Variants in TBX10 observed in about 807,000 individuals in gnomAD.
TBX10 encodes T-box transcription factor TBX10.
Under a neutral mutation model 32.4 loss-of-function variants are expected in TBX10, and 26 were observed. That is an observed-to-expected ratio of 0.80 (90% CI 0.59 to 1.11). TBX10 has a LOEUF of 1.11. TBX10 is among the 50% of genes most tolerant of loss of function. TBX10 has a pLI of 0.00. For synonymous variants in TBX10, 195 were observed against 203.1 expected (o/e 0.96, Z 0.34); for missense variants, 490 against 494.5 (o/e 0.99, Z 0.09).
chr11:67,638,205 C>T (rs1450448183), intron 1 of TBX10, among the ~76,000 whole-genome samples: 1 of 133,806 alleles, frequency 7.5e-6, no homozygotes, highest in African/African-American at 3.1e-5. Flanking sequence ...GAGACTCTGT[C>T]TCAAAAAATA....
chr11:67,641,641 G>A (rs1010637899), upstream of TBX10, among the ~76,000 whole-genome samples: 1 of 152,172 alleles, frequency 6.6e-6, no homozygotes, highest in Non-Finnish European at 1.5e-5. Flanking sequence ...GGGGTGTAGA[G>A]GGCTGGGGGA....
At position 67,639,704 on chromosome 11, in the gene TBX10, G is replaced by C; in HGVS notation, c.-232C>G. On this transcript the variant is annotated 5_prime_UTR_variant, in exon 1 of 8. Coordinates refer to ENST00000335385, the MANE Select transcript of TBX10 (RefSeq NM_005995.5). Reference sequence around the variant, plus strand: ...CGAGCTGGACCCCTGGTCTCCGAAGGTGAGATGCAGGCTCTGGGGCGTGCA... The same window carrying C: ...CGAGCTGGACCCCTGGTCTCCGAAGCTGAGATGCAGGCTCTGGGGCGTGCA... The C allele has an allele frequency of 3.1e-6, 2 of 640,844 alleles. No homozygotes were observed. The highest frequency in any genetic ancestry group is 2.8e-6 in the Non-Finnish European group (1 of 355,012). The allele number at this position is 640,844 out of a possible 1,614,324, so 39.7% of individuals were successfully genotyped here. A position where few individuals can be genotyped will look rare whatever the true frequency, so the allele number is the denominator to read the frequency against.
Position 67,631,673 on chromosome 11 carries a change from G to A in TBX10, c.1090C>T (p.Leu364Phe). 6.2e-7 allele frequency: 1 copy of A among 1,607,472 alleles called. No homozygotes were observed. ...RADRDQGGLP[L>F]PAGLGLLSPT... ...GACAGGAGCCCCAGCCCAGCTGGGA[G>A]AGGCAGGCCTCCTTGATCCCTATCA... The change falls in exon 8 of 8, where the codon CTC becomes TTC. Residue 364 changes from leucine (L) to phenylalanine (F), a missense_variant. Leu to Phe is a conservative substitution (Grantham distance 22). Around this residue, in one of 3 missense-constraint regions of TBX10, gnomAD observed 177 missense variants for 176.6 expected, o/e 1.00. Transcript: ENST00000335385.
intron 1 of TBX10, among the ~76,000 whole-genome samples, chr11:67,636,136 C>T (rs1235807792): frequency 1.5e-5 from 2 of 137,620 alleles, no homozygotes; most frequent in Non-Finnish European, 3.0e-5. Context: ...TGGAGTGCAG[C>T]GGGAGCTCTG....
Position 67,634,683 on chromosome 11 carries a change from C to T in TBX10, c.377+133G>A, listed in dbSNP as rs534303720. On this transcript the variant is annotated intron_variant, in intron 3 of 7. Coordinates refer to ENST00000335385, the MANE Select transcript of TBX10 (RefSeq NM_005995.5). ...CCTCAGGCTGTTGTTGCGTGTCTGT[C>T]GTCCTGCCCTTAGGCTGGACCTCCC... 5.2e-4 allele frequency: 527 copies of T among 1,011,592 alleles called. 1 individual carries two copies. The African/African-American group carries it at 7.1e-3, about 14-fold the overall frequency. 62.7% of individuals were successfully genotyped at this position (1,011,592 alleles called of 1,614,324 possible). A position where few individuals can be genotyped will look rare whatever the true frequency, so the allele number is the denominator to read the frequency against.
Position 67,631,382 on chromosome 11 carries a change from A to G in TBX10, c.*223T>C. 1.6e-6 allele frequency: 1 copy of G among 608,146 alleles called. No individual in the cohort carries two copies. 37.7% of individuals were successfully genotyped at this position (608,146 alleles called of 1,614,324 possible). ...GGAGTTACCCCCAAAGCAAGAGGGC[A>G]CAGTATTCAGGCTGCTGGGGTTGGG... On this transcript the variant is annotated 3_prime_UTR_variant, in exon 8 of 8. Transcript: ENST00000335385.
chr11:67,631,936 C>T (rs369016268), intron 7 of TBX10, 42 bp from the exon 8 acceptor site: 7 of 1,551,838 alleles, frequency 4.5e-6, no homozygotes, highest in Non-Finnish European at 6.1e-6. Flanking sequence ...CCCATCGCAT[C>T]CTCATCCCTC....
At chr11:67,635,770 A>T (rs1171183745) in intron 1 of TBX10, among the ~76,000 whole-genome samples, 2 of 152,132 alleles carry the variant, frequency 1.3e-5, no homozygotes, top group African/African-American at 4.8e-5. Flanking sequence ...TGAGCCAAGA[A>T]GAGCCCCCCA....
chr11:67,632,561 C>CTGGGCCTCAG, intron 6 of TBX10, 42 bp downstream of exon 6: 1 of 1,608,720 alleles, frequency 6.2e-7, no homozygotes, highest in Non-Finnish European at 8.5e-7. Context: ...TAGGATATGC[C>CTGGGCCTCAG]TGGGGTGGGG....
At chr11:67,635,400 C>G in intron 1 of TBX10, 137 bp from the exon 2 acceptor site, 6 of 1,256,166 alleles carry the variant, frequency 4.8e-6, no homozygotes, top group Non-Finnish European at 6.7e-6. Context: ...ATCCCCCACT[C>G]AGCATCACTC....
chr11:67,639,488 G>C lies in TBX10; in HGVS notation c.-16C>G. On this transcript the variant is annotated 5_prime_UTR_variant, in exon 1 of 8. Transcript: ENST00000335385. ...TACCTGCCATGGAGACAGAGAGGCT[G>C]TCCGGCTCCTGGAGAAACACTGCTT... 6.2e-7 allele frequency: 1 copy of C among 1,612,550 alleles called. No individual in the cohort carries two copies. The highest frequency in any genetic ancestry group is 8.5e-7 in the Non-Finnish European group (1 of 1,179,818).
chr11:67,639,003 C>T lies in TBX10; in HGVS notation c.7+463G>A, dbSNP rs184942119. 1.7e-3 allele frequency among the ~76,000 whole-genome samples: 260 copies of T among 152,298 alleles called. 1 individual carries two copies. Among genetic ancestry groups the T allele is most frequent in the Non-Finnish European group, 2.8e-3 (190 of 68,000 alleles). On this transcript the variant is annotated intron_variant, in intron 1 of 7. Transcript: ENST00000335385. ...GTCCTCTAGGGGCTCACCCGCTGCC[C>T]GTCGCAGCCAATGTGCTGCCCCTCA...
intron 3 of TBX10, 59 bp from the exon 4 acceptor site, chr11:67,634,419 C>T (rs1260214584): frequency 1.3e-6 from 2 of 1,586,922 alleles, no homozygotes; most frequent in Admixed American, 1.7e-5. Context: ...CTGAACAATA[C>T]AGGCGGGGTG....
chr11:67,631,818 G>A lies in TBX10; in HGVS notation c.945C>T (p.Val315=), dbSNP rs750374429. Residue 315 remains valine (V), a synonymous_variant, in exon 8 of 8, where the codon GTC becomes GTT. Coordinates refer to ENST00000335385, the MANE Select transcript of TBX10 (RefSeq NM_005995.5). Reference sequence around the variant, plus strand: ...GCCTGTAGGTGGCCGGGGCCAGCAGGACCTCAGGTGGGGGCAGCAGCTGAT... The same window carrying A: ...GCCTGTAGGTGGCCGGGGCCAGCAGAACCTCAGGTGGGGGCAGCAGCTGAT... The part of the protein sequence containing the change: ...LHHQLLPPPE[V]LLAPATYRPV... The A allele has an allele frequency of 1.6e-5, 26 of 1,587,180 alleles. No individual in the cohort carries two copies. The Admixed American group carries it at 4.8e-4, about 29-fold the overall frequency.
At chr11:67,641,344 C>T (rs1440655149), upstream of TBX10, among the ~76,000 whole-genome samples, 1 of 152,236 alleles carries the variant, frequency 6.6e-6, no homozygotes, top group Non-Finnish European at 1.5e-5. Context: ...CGGATGAACT[C>T]AGAGCCTGCT....
At chr11:67,640,642 A>AGTGCTCGCTGGCCTT (rs1325326834), upstream of TBX10, among the ~76,000 whole-genome samples, 1 of 152,146 alleles carries the variant, frequency 6.6e-6, no homozygotes. Context: ...CTTGGTTGAG[A>AGTGCTCGCTGGCCTT]GTGCTCGCTG....
chr11:67,634,015 A>T (rs1346723069), intron 4 of TBX10, among the ~76,000 whole-genome samples, 174 bp downstream of exon 4: 1 of 120,726 alleles, frequency 8.3e-6, no homozygotes, highest in Non-Finnish European at 1.7e-5. Flanking sequence ...ACCTGCCTGG[A>T]CAGCCCTTCC....
chr11:67,631,993 C>T, intron 7 of TBX10, 99 bp from the exon 8 acceptor site: 1 of 1,488,242 alleles, frequency 6.7e-7, no homozygotes, highest in Admixed American at 2.0e-5. Flanking sequence ...TCCCAAGTTA[C>T]CTACCTCTCA....
chr11:67,635,575 G>A (rs1296237607), intron 1 of TBX10, among the ~76,000 whole-genome samples: 2 of 152,136 alleles, frequency 1.3e-5, no homozygotes, highest in Non-Finnish European at 2.9e-5. Context: ...TCTGTCAGAA[G>A]GGGCTCTTAA....
Sources: allele counts gnomAD v4.1 joint callset (sites outside exome capture counted in the v4.1 genomes callset), GRCh38; gene constraint gnomAD v4.1.1; regional missense constraint gnomAD v4.1.1; transcripts MANE v1.5; gene names NCBI Gene and HGNC (gene_info 2026-07-23, HGNC 2026-07-21).